Variants in SMOC2 observed in about 807,000 individuals in gnomAD.
The protein encoded by SMOC2 is SPARC-related modular calcium-binding protein 2.
In SMOC2, 39 loss-of-function variants were observed where a neutral mutation model predicts 61.4. That is an observed-to-expected ratio of 0.64 (90% CI 0.49 to 0.83). SMOC2 has a LOEUF of 0.83. Ranked by LOEUF, SMOC2 falls within the 40% of genes least tolerant of loss-of-function variation. The pLI, the probability that SMOC2 is intolerant of heterozygous loss-of-function variation, is 0.00. For missense variants in SMOC2, 556 were observed against 592.9 expected, an observed-to-expected ratio of 0.94 and a Z score of 0.65; for synonymous variants, 247 against 239.9, an observed-to-expected ratio of 1.03 and a Z score of -0.27.
chr6:168,490,858 A>C (rs1173764200), intron 1 of SMOC2, among the ~76,000 whole-genome samples: 1 of 152,204 alleles, frequency 6.6e-6, no homozygotes, highest in Non-Finnish European at 1.5e-5. Flanking sequence ...TGAGTGGGGC[A>C]GCAGGTGGAG....
Position 168,574,728 on chromosome 6 carries a change from G to A in SMOC2, c.638-24090G>A, listed in dbSNP as rs542260531. On this transcript the variant is annotated intron_variant, in intron 7 of 12. Transcript: ENST00000356284. The stretch of plus-strand genomic sequence containing the variant: ...AGACCCATCCCGAACTGCCGGACTC[G>A]GCGCTCTGTCCTTCCCGACCTCCCT... Among the ~76,000 whole-genome samples, 6 of 152,158 alleles carry A rather than the reference G, an allele frequency of 3.9e-5. No individual in the cohort carries two copies. In the East Asian group the frequency reaches 7.8e-4, roughly 20 times the overall value.
rs190170964 is a variant in SMOC2, at chr6:168,531,058, C to T, written c.463+3331C>T. On this transcript the variant is annotated intron_variant, in intron 4 of 12. Transcript: ENST00000356284. ...GTCCACGGAGCCCCACACGGAGGCA[C>T]CCCAACCACAAATCCTCCCACAGCT... is the stretch of plus-strand genomic sequence containing the variant. 2.8e-4 allele frequency among the ~76,000 whole-genome samples: 43 copies of T among 152,272 alleles called. No individual in the cohort carries two copies. The South Asian group carries it at 2.9e-3, about 10-fold the overall frequency.
intron 12 of SMOC2, among the ~76,000 whole-genome samples, chr6:168,665,961 A>T (rs1787652576): frequency 6.6e-6 from 1 of 152,090 alleles, no homozygotes; most frequent in Non-Finnish European, 1.5e-5. Flanking sequence ...GCTGAGTTAC[A>T]GTTGTTTATC....
At chr6:168,638,068 C>CTG (rs1201233005) in intron 9 of SMOC2, among the ~76,000 whole-genome samples, 2 of 151,420 alleles carry the variant, frequency 1.3e-5, no homozygotes, top group African/African-American at 4.9e-5. Context: ...TGCCCCTGCC[C>CTG]CACCCTGCCC....
chr6:168,565,102 C>G (rs1336939289), intron 7 of SMOC2, among the ~76,000 whole-genome samples: 1 of 152,198 alleles, frequency 6.6e-6, no homozygotes, highest in African/African-American at 2.4e-5. Flanking sequence ...CAGATTGAAC[C>G]TGGCATTTGC....
chr6:168,620,244 G>A (rs977638766), intron 9 of SMOC2, among the ~76,000 whole-genome samples: 5 of 152,048 alleles, frequency 3.3e-5, no homozygotes, highest in East Asian at 1.9e-4. Flanking sequence ...TAAACCCAAC[G>A]CTGGCAGAAT....
At chr6:168,562,717 A>G (rs1784449473) in intron 7 of SMOC2, among the ~76,000 whole-genome samples, 1 of 152,152 alleles carries the variant, frequency 6.6e-6, no homozygotes, top group African/African-American at 2.4e-5. Flanking sequence ...GGTGAAAGAA[A>G]TGCACTCACA....
chr6:168,559,089 G>T (rs1583108687), intron 7 of SMOC2, among the ~76,000 whole-genome samples: 2 of 152,352 alleles, frequency 1.3e-5, no homozygotes, highest in South Asian at 4.1e-4. Context: ...TGAAATTTGT[G>T]TCGTCGTGAT....
At chr6:168,567,320 A>G (rs1430780861) in intron 7 of SMOC2, among the ~76,000 whole-genome samples, 2 of 152,214 alleles carry the variant, frequency 1.3e-5, no homozygotes, top group African/African-American at 4.8e-5. Context: ...TGCTTTATCT[A>G]AAGCCATTAG....
chr6:168,635,533 A>C (rs934217845), intron 9 of SMOC2, among the ~76,000 whole-genome samples: 8 of 152,136 alleles, frequency 5.3e-5, no homozygotes, highest in Non-Finnish European at 1.0e-4. Flanking sequence ...TTTTAGGTTC[A>C]TCTGTCTAAA....
At chr6:168,483,220 A>G (rs1249820745) in intron 1 of SMOC2, among the ~76,000 whole-genome samples, 1 of 151,930 alleles carries the variant, frequency 6.6e-6, no homozygotes, top group Non-Finnish European at 1.5e-5. Flanking sequence ...AACTTGTTAG[A>G]ACCAGTAAAT....
intron 1 of SMOC2, among the ~76,000 whole-genome samples, chr6:168,500,242 GC>G (rs898266152): frequency 7.2e-6 from 1 of 138,864 alleles, no homozygotes; most frequent in African/African-American, 2.8e-5. Context: ...AGCCCAGATC[GC>G]CCCACTGCAC....
intron 12 of SMOC2, among the ~76,000 whole-genome samples, chr6:168,665,399 C>T (rs1279844676): frequency 6.6e-6 from 1 of 152,250 alleles, no homozygotes; most frequent in Non-Finnish European, 1.5e-5. Flanking sequence ...CTCCTACCGG[C>T]CGTGGCCATT....
At chr6:168,525,299 G>A (rs1395834699) in intron 2 of SMOC2, among the ~76,000 whole-genome samples, 1 of 152,166 alleles carries the variant, frequency 6.6e-6, no homozygotes, top group Admixed American at 6.5e-5. Context: ...CCCCCTGGGG[G>A]CACTGAAAGA....
At chr6:168,595,306 C>G (rs139006012) in intron 7 of SMOC2, among the ~76,000 whole-genome samples, 1 of 152,196 alleles carries the variant, frequency 6.6e-6, no homozygotes. Context: ...CCTGGAGTCA[C>G]GGCCCCATGC....
rs1224874363 is a variant in SMOC2 at position 168,608,150 on chromosome 6, C to T, written c.825-7C>T. 1 of 1,613,146 alleles carries T rather than the reference C, an allele frequency of 6.2e-7. No homozygotes were observed. The highest frequency in any genetic ancestry group is 1.1e-5 in the South Asian group (1 of 90,810). On this transcript the variant is annotated splice_region_variant and splice_polypyrimidine_tract_variant and intron_variant, in intron 8 of 12. Coordinates refer to ENST00000356284, the MANE Select transcript of SMOC2 (RefSeq NM_001166412.2). ...CTCTCCTTCCCCCGCCTTCCCCCCG[C>T]CCATAGGTACGAGCAGCCGAAATGT...
At chr6:168,584,158 G>A (rs1784991426) in intron 7 of SMOC2, among the ~76,000 whole-genome samples, 2 of 152,230 alleles carry the variant, frequency 1.3e-5, no homozygotes, top group Admixed American at 1.3e-4. Flanking sequence ...CACCCAGGAA[G>A]CTGAGATGAG....
chr6:168,509,867 G>C, intron 1 of SMOC2, 48 bp from the exon 2 acceptor site: 3 of 1,565,386 alleles, frequency 1.9e-6, no homozygotes, highest in Non-Finnish European at 2.6e-6. Flanking sequence ...CTGCTGCTCT[G>C]AAGAATGTGT....
rs1382992957 is a variant in SMOC2, at chr6:168,599,023, C to T, written c.824+19C>T. On this transcript the variant is annotated intron_variant, in intron 8 of 12. Coordinates refer to ENST00000356284, the MANE Select transcript of SMOC2 (RefSeq NM_001166412.2). ...CCACAAGGTAAATAGGGTGCACCCACCCCCCCCGGGACCATGGGAGGCTTT... is the reference window on the plus strand; with the variant it reads ...CCACAAGGTAAATAGGGTGCACCCATCCCCCCCGGGACCATGGGAGGCTTT... The T allele has an allele frequency of 4.7e-6, 7 of 1,490,276 alleles. No individual in the cohort carries two copies. Among genetic ancestry groups the T allele is most frequent in the African/African-American group, 1.5e-5 (1 of 66,136 alleles). The allele number at this position is 1,490,276 out of a possible 1,614,324, so 92.3% of individuals were successfully genotyped here.
Sources: allele counts gnomAD v4.1 joint callset (sites outside exome capture counted in the v4.1 genomes callset), GRCh38; gene constraint gnomAD v4.1.1; transcripts MANE v1.5; gene names NCBI Gene and HGNC (gene_info 2026-07-23, HGNC 2026-07-21).